Variants in DAPK3 observed in about 807,000 individuals in gnomAD.
The protein encoded by DAPK3 is death associated protein kinase 3, also known as death-associated protein kinase 3.
Under a neutral mutation model 30.6 loss-of-function variants are expected in DAPK3, and 24 were observed. The observed-to-expected ratio is 0.78, with a 90% CI of 0.57 to 1.10. The LOEUF (loss-of-function observed/expected upper bound fraction) is 1.10, where lower values mean the gene tolerates loss of function less well. DAPK3 is among the 50% of genes least tolerant of loss of function. DAPK3 has a pLI of 0.00. For synonymous variants in DAPK3, 341 were observed against 284.0 expected (o/e 1.20, Z -2.02); for missense variants, 629 against 657.3 (o/e 0.96, Z 0.47).
chr19:3,960,966 GTGTCCCA>G lies in DAPK3; in HGVS notation c.782+36_782+42del, dbSNP rs756043860. The G allele has an allele frequency of 2.3e-5, 37 of 1,603,130 alleles. No individual in the cohort carries two copies. In the South Asian group the frequency reaches 3.6e-4, roughly 16 times the overall value. On this transcript the variant is annotated intron_variant, in intron 7 of 8. Transcript: ENST00000545797. ...GAGCCTCCGTGGGTGGAGTGGGCCT[GTGTCCCA>G]TGTCCCACCCCGTGCCCCCTGCCGG...
chr19:3,963,801 C>A, intron 5 of DAPK3, 70 bp downstream of exon 5: 2 of 1,263,660 alleles, frequency 1.6e-6, no homozygotes, highest in Admixed American at 1.9e-5. Context: ...CCCGCTTCAT[C>A]CCCAGCTGCA....
intron 2 of DAPK3, 73 bp from the exon 3 acceptor site, chr19:3,965,064 C>G (rs553466824): frequency 3.8e-5 from 30 of 788,268 alleles, no homozygotes; most frequent in Middle Eastern, 2.4e-4. Context: ...GGCTCCCCGT[C>G]ACCTCCACTT....
intron 4 of DAPK3, 35 bp from the exon 5 acceptor site, chr19:3,963,954 G>A: frequency 7.0e-7 from 1 of 1,438,588 alleles, no homozygotes. Context: ...AGGCACTGGG[G>A]ACATGCTGGC....
At position 3,959,014 on chromosome 19, in the gene DAPK3, G is replaced by A; in HGVS notation, c.*87C>T. The stretch of plus-strand genomic sequence containing the variant: ...GGCGCTGGGCAAGGACAGGCACCCG[G>A]GCGATGGGAGGCGCAGCGTCCACAG... On this transcript the variant is annotated 3_prime_UTR_variant, in exon 9 of 9. Transcript: ENST00000545797. The A allele has an allele frequency of 2.3e-6, 2 of 857,718 alleles. No homozygotes were observed. The highest frequency in any genetic ancestry group is 3.4e-6 in the Non-Finnish European group (2 of 579,794). The allele number at this position is 857,718 out of a possible 1,614,324, so 53.1% of individuals were successfully genotyped here. A position where few individuals can be genotyped will look rare whatever the true frequency, so the allele number is the denominator to read the frequency against.
intron 6 of DAPK3, 89 bp downstream of exon 6, chr19:3,963,554 G>A (rs1011686595): frequency 4.4e-5 from 34 of 776,060 alleles, no homozygotes; most frequent in Non-Finnish European, 6.4e-5. Context: ...GCCAGGCTGG[G>A]GACCCCTGGC....
chr19:3,966,096 T>TA (rs2039574757), intron 2 of DAPK3, among the ~76,000 whole-genome samples: 2 of 152,136 alleles, frequency 1.3e-5, no homozygotes, highest in African/African-American at 4.8e-5. Context: ...ATCCGCATTT[T>TA]AAAGAAACCA....
At chr19:3,966,070 G>A (rs970325374) in intron 2 of DAPK3, among the ~76,000 whole-genome samples, 3 of 152,082 alleles carry the variant, frequency 2.0e-5, no homozygotes, top group African/African-American at 2.4e-5. Flanking sequence ...AGGTGGAGCC[G>A]CTACATCTGG....
intron 7 of DAPK3, 24 bp downstream of exon 7, chr19:3,960,985 G>A (rs1384794471): frequency 1.3e-5 from 21 of 1,610,956 alleles, no homozygotes; most frequent in Admixed American, 3.3e-5. Context: ...GTCCCACCCC[G>A]TGCCCCCTGC....
chr19:3,964,545 G>A (rs974843193), intron 3 of DAPK3, 86 bp downstream of exon 3: 46 of 1,150,574 alleles, frequency 4.0e-5, no homozygotes, highest in East Asian at 7.6e-5. Context: ...ACCCCCACGC[G>A]CAGGAGGTGC....
intron 6 of DAPK3, 21 bp downstream of exon 6, chr19:3,963,622 G>T (rs774246043): frequency 6.7e-7 from 1 of 1,495,658 alleles, no homozygotes; most frequent in South Asian, 1.3e-5. Context: ...ACAGCCGAGG[G>T]GGCCCCCGCC....
intron 6 of DAPK3, among the ~76,000 whole-genome samples, chr19:3,962,258 A>C (rs1456843314): frequency 6.6e-6 from 1 of 152,248 alleles, no homozygotes. Flanking sequence ...AGGAAGCTGC[A>C]GGGGGCGTCT....
rs1368320860 is a variant in DAPK3, at chr19:3,964,784, G to T, written c.270C>A (p.Val90=). 2 of 1,611,348 alleles carry T rather than the reference G, an allele frequency of 1.2e-6. No homozygotes were observed. Among genetic ancestry groups the T allele is most frequent in the African/African-American group, 2.7e-5 (2 of 74,754 alleles). The change falls in exon 3 of 9, where the codon GTC becomes GTA. Residue 90 remains valine, a synonymous_variant. Transcript: ENST00000545797. Reference sequence around the variant, plus strand: ...CGCCAGAGACCAGCTCCAGGATGAGGACCACGTCCGTCTTGTTCTCGAAGA... The same window carrying T: ...CGCCAGAGACCAGCTCCAGGATGAGTACCACGTCCGTCTTGTTCTCGAAGA... ...HDIFENKTDV[V]LILELVSGGE... is the part of the protein sequence containing the mutation.
intron 6 of DAPK3, among the ~76,000 whole-genome samples, chr19:3,963,159 G>A (rs904138257): frequency 2.6e-5 from 4 of 152,108 alleles, no homozygotes; most frequent in African/African-American, 9.7e-5. Context: ...TGTAGTCCCA[G>A]GTACTCAGGA....
In DAPK3 at chr19:3,959,249, G is replaced by C. The variant is rs1212460459; in HGVS notation, c.1217C>G (p.Thr406Ser). 4 of 1,599,992 alleles carry C rather than the reference G, an allele frequency of 2.5e-6. No individual in the cohort carries two copies. The highest frequency in any genetic ancestry group is 1.1e-5 in the South Asian group (1 of 90,666). Residue 406 changes from threonine (T) to serine (S), a missense_variant, in exon 9 of 9, where the codon ACC (threonine) becomes AGC (serine). Around this residue, in one of 2 missense-constraint regions of DAPK3, gnomAD observed 323 missense variants for 278.8 expected, o/e 1.16. Coordinates refer to ENST00000545797, the MANE Select transcript of DAPK3 (RefSeq NM_001348.3). ...GCTGAAGCGGCGCTTGAGGCCGCTGGTCCCCAGCAGCGCGCCCTTGGCCTC... is the reference window on the plus strand; with the variant it reads ...GCTGAAGCGGCGCTTGAGGCCGCTGCTCCCCAGCAGCGCGCCCTTGGCCTC... ...QEEAKGALLG[T>S]SGLKRRFSRL... is the part of the protein sequence containing the mutation.
rs1367556622 is a variant in DAPK3, at chr19:3,959,480, A to G, written c.986T>C (p.Leu329Pro). ...CTCCTCGGCGGCCGCCGCCTCCTCC[A>G]GCACCTTGGAGAAGCGCTCGAAGTC... ...YADFERFSKVLEEAAAAEEGL... is the reference protein window; with the variant it reads ...YADFERFSKVPEEAAAAEEGL... Residue 329 changes from leucine to proline, a missense_variant, in exon 9 of 9, where the codon CTG (leucine) becomes CCG (proline). Around this residue, in one of 2 missense-constraint regions of DAPK3, gnomAD observed 323 missense variants for 278.8 expected, o/e 1.16. Coordinates refer to ENST00000545797, the MANE Select transcript of DAPK3 (RefSeq NM_001348.3). The G allele has an allele frequency of 6.4e-7, 1 of 1,551,520 alleles. No homozygotes were observed. The highest frequency in any genetic ancestry group is 8.7e-7 in the Non-Finnish European group (1 of 1,155,660).
At chr19:3,964,196 C>A (rs777101500) in intron 4 of DAPK3, 48 bp downstream of exon 4, 17 of 1,533,630 alleles carry the variant, frequency 1.1e-5, no homozygotes, top group Non-Finnish European at 1.4e-5. Flanking sequence ...GCAGGCAGCC[C>A]CAGACCACCC....
intron 5 of DAPK3, 68 bp from the exon 6 acceptor site, chr19:3,963,737 C>T: frequency 7.3e-7 from 1 of 1,364,044 alleles, no homozygotes; most frequent in Non-Finnish European, 1.0e-6. Context: ...ACCGTGGCGT[C>T]CAGCGCCCCT....
chr19:3,959,460 C>T lies in DAPK3; in HGVS notation c.1006G>A (p.Glu336Lys), dbSNP rs537660810. 4.9e-5 allele frequency: 76 copies of T among 1,545,188 alleles called. 2 individuals are homozygous for T. The highest frequency in any genetic ancestry group is 2.4e-4 in the African/African-American group (18 of 73,894). The change falls in exon 9 of 9, where the codon GAG becomes AAG. Residue 336 changes from glutamate (E) to lysine (K), a missense_variant. This residue lies in a region of DAPK3 where 323 missense variants were observed against 278.8 expected (regional missense o/e 1.16). Transcript: ENST00000545797. Reference protein sequence around the residue: ...SKVLEEAAAAEEGLRELQRSR... With the variant: ...SKVLEEAAAAKEGLRELQRSR... ...CGCTGCAGCTCGCGCAGGCCCTCCT[C>T]GGCGGCCGCCGCCTCCTCCAGCACC...
chr19:3,970,354 C>G (rs1224325149), intron 1 of DAPK3, among the ~76,000 whole-genome samples: 2 of 152,140 alleles, frequency 1.3e-5, no homozygotes, highest in African/African-American at 2.4e-5. Flanking sequence ...GCCTGGAACT[C>G]CAAGGCTCAA....
Sources: allele counts gnomAD v4.1 joint callset (sites outside exome capture counted in the v4.1 genomes callset), GRCh38; gene constraint gnomAD v4.1.1; regional missense constraint gnomAD v4.1.1; transcripts MANE v1.5; gene names NCBI Gene and HGNC (gene_info 2026-07-23, HGNC 2026-07-21).